GHR: variants seen among roughly 807,000 people sequenced by gnomAD.
The protein encoded by GHR is growth hormone receptor.
GHR carries 35 observed loss-of-function variants against 67.1 expected under a neutral mutation model. The ratio of observed to expected loss-of-function variants is 0.52; its 90% CI spans 0.40 to 0.69. The LOEUF (loss-of-function observed/expected upper bound fraction) is 0.69. GHR is among the 30% of genes least tolerant of loss of function. The pLI, the probability that GHR is intolerant of heterozygous loss-of-function variation, is 0.00. For synonymous variants in GHR, 272 were observed against 269.1 expected, an observed-to-expected ratio of 1.01 and a Z score of -0.10; for missense variants, 792 against 764.6, an observed-to-expected ratio of 1.04 and a Z score of -0.42.
chr5:42,696,670 G>C lies in GHR; in HGVS notation c.439+1581G>C, dbSNP rs4476730. Among the ~76,000 whole-genome samples, 204 of 152,260 alleles carry C rather than the reference G, an allele frequency of 1.3e-3. 6 individuals carry two copies. The South Asian group carries it at 0.038, about 28-fold the overall frequency. ...CTGGAGAAATCATCAGTAGTTGTTT[G>C]TGCCCCAAAAAGGAATTTGGACTTT... On this transcript the variant is annotated intron_variant, in intron 5 of 9. Transcript: ENST00000230882.
intron 3 of GHR, among the ~76,000 whole-genome samples, chr5:42,673,736 A>G (rs1345361943): frequency 1.3e-5 from 2 of 152,172 alleles, no homozygotes; most frequent in African/African-American, 4.8e-5. Flanking sequence ...AAACATGGAT[A>G]TAAAGGTGGC....
At position 42,443,958 on chromosome 5, in the gene GHR, G is replaced by GATAGATATAGATATAGAT. The variant is rs71608646; in HGVS notation, c.-12+20021_-12+20038dup. On this transcript the variant is annotated intron_variant, in intron 1 of 9. Transcript: ENST00000230882. ...CCAAGGTGATATAGATATAGATATA[G>GATAGATATAGATATAGAT]ATAGATATAGATATAGATATAGATA... Among the ~76,000 whole-genome samples, 591 of 148,178 alleles carry GATAGATATAGATATAGAT rather than the reference G, an allele frequency of 4.0e-3. 6 individuals are homozygous for GATAGATATAGATATAGAT. Among genetic ancestry groups the GATAGATATAGATATAGAT allele is most frequent in the African/African-American group, 8.2e-3 (327 of 39,676 alleles).
At chr5:42,709,610 C>G (rs1206341284) in intron 6 of GHR, among the ~76,000 whole-genome samples, 1 of 151,932 alleles carries the variant, frequency 6.6e-6, no homozygotes, top group Non-Finnish European at 1.5e-5. Context: ...TTGCACTGGA[C>G]TTTGGAAATG....
intron 2 of GHR, among the ~76,000 whole-genome samples, chr5:42,604,672 A>G (rs543464675): frequency 6.6e-5 from 10 of 150,984 alleles, no homozygotes; most frequent in East Asian, 1.9e-4. Context: ...TAAGGAAGTT[A>G]TGAGCCAGGA....
intron 2 of GHR, among the ~76,000 whole-genome samples, chr5:42,617,566 C>G (rs1753225664): frequency 6.6e-6 from 1 of 152,216 alleles, no homozygotes; most frequent in Admixed American, 6.5e-5. Flanking sequence ...CTGTTCCTCC[C>G]CATTTCCCCC....
intron 2 of GHR, among the ~76,000 whole-genome samples, chr5:42,602,960 A>G (rs896571380): frequency 1.3e-5 from 2 of 152,256 alleles, no homozygotes; most frequent in South Asian, 2.1e-4. Flanking sequence ...TTTTTTACCA[A>G]TGTGTTCCCT....
rs1252489276 is a variant in GHR at position 42,630,013 on chromosome 5, C to T, written c.136+910C>T. Among the ~76,000 whole-genome samples, 2 of 131,504 alleles carry T rather than the reference C, an allele frequency of 1.5e-5. 1 individual carries two copies. The allele number at this position is 131,504 out of a possible 152,430, so 86.3% of individuals were successfully genotyped here. On this transcript the variant is annotated intron_variant, in intron 3 of 9. Transcript: ENST00000230882. ...CCTCTTCAACCACAAGACAGAACCC[C>T]ACCATCAACTCTGTGGGGAAGCGTC...
chr5:42,496,167 T>C (rs1746313598), intron 1 of GHR, among the ~76,000 whole-genome samples: 1 of 152,158 alleles, frequency 6.6e-6, no homozygotes, highest in Non-Finnish European at 1.5e-5. Flanking sequence ...ACCTCTCTAG[T>C]TTGTGAAGAG....
At chr5:42,434,991 T>A (rs1018481536) in intron 1 of GHR, among the ~76,000 whole-genome samples, 5 of 152,138 alleles carry the variant, frequency 3.3e-5, no homozygotes, top group Non-Finnish European at 7.4e-5. Flanking sequence ...CTGAGCTTTA[T>A]CTGCAAAAAA....
chr5:42,569,287 T>A (rs1222159250), intron 2 of GHR, among the ~76,000 whole-genome samples: 1 of 152,224 alleles, frequency 6.6e-6, no homozygotes, highest in Non-Finnish European at 1.5e-5. Flanking sequence ...CATTTAACAT[T>A]CAACAAGCAT....
At chr5:42,709,580 G>C (rs184061734) in intron 6 of GHR, among the ~76,000 whole-genome samples, 25 of 152,216 alleles carry the variant, frequency 1.6e-4, no homozygotes, top group Admixed American at 1.6e-3. Context: ...ATATCTTGAG[G>C]ACCCACTGTA....
chr5:42,523,777 A>G (rs1747578873), intron 1 of GHR, among the ~76,000 whole-genome samples: 1 of 152,060 alleles, frequency 6.6e-6, no homozygotes, highest in Non-Finnish European at 1.5e-5. Context: ...CAGAATTTCC[A>G]TGTGTTATGG....
chr5:42,552,546 A>G (rs1749088978), intron 1 of GHR, among the ~76,000 whole-genome samples: 1 of 152,230 alleles, frequency 6.6e-6, no homozygotes, highest in East Asian at 1.9e-4. Context: ...AAAAATAAAT[A>G]AATTGTATCA....
chr5:42,525,504 C>T lies in GHR; in HGVS notation c.-11-40360C>T, dbSNP rs191932314. On this transcript the variant is annotated intron_variant, in intron 1 of 9. Transcript: ENST00000230882. The stretch of plus-strand genomic sequence containing the variant: ...CAGGCTTATAGGCAGAAAAGATTTG[C>T]CTTGTCTAAGGTAAGACTTTGGACT... Among the ~76,000 whole-genome samples the T allele has an allele frequency of 1.4e-4, 21 of 152,254 alleles. No homozygotes were observed. In the East Asian group the frequency reaches 3.1e-3, roughly 22 times the overall value.
At chr5:42,717,550 T>A (rs962254285) in intron 8 of GHR, among the ~76,000 whole-genome samples, 1 of 152,202 alleles carries the variant, frequency 6.6e-6, no homozygotes, top group African/African-American at 2.4e-5. Context: ...CTTAGATAAT[T>A]TCATAATTAA....
chr5:42,473,433 A>G (rs1362341069), intron 1 of GHR, among the ~76,000 whole-genome samples: 1 of 152,086 alleles, frequency 6.6e-6, no homozygotes, highest in Non-Finnish European at 1.5e-5. Context: ...TATGCTAGGT[A>G]TGTGTTGGAT....
At chr5:42,478,543 A>G (rs938168800) in intron 1 of GHR, among the ~76,000 whole-genome samples, 2 of 152,020 alleles carry the variant, frequency 1.3e-5, no homozygotes, top group East Asian at 1.9e-4. Context: ...ATTTGTTTGT[A>G]TCCTCTTTTA....
intron 1 of GHR, among the ~76,000 whole-genome samples, chr5:42,564,096 C>CACAAAGTGTGAGATTTATTTGAAATCTA (rs1749789005): frequency 6.6e-6 from 1 of 150,948 alleles, no homozygotes; most frequent in Non-Finnish European, 1.5e-5. Flanking sequence ...TTTGAAATCT[C>CACAAAGTGTGAGATTTATTTGAAATCTA]ACAAAGTGTG....
intron 6 of GHR, among the ~76,000 whole-genome samples, chr5:42,706,973 G>A (rs1389165914): frequency 6.6e-6 from 1 of 151,970 alleles, no homozygotes; most frequent in South Asian, 2.1e-4. Context: ...AGATTGGCTT[G>A]GGCAGTATGG....
Sources: allele counts gnomAD v4.1 joint callset (sites outside exome capture counted in the v4.1 genomes callset), GRCh38; gene constraint gnomAD v4.1.1; transcripts MANE v1.5; gene names NCBI Gene and HGNC (gene_info 2026-07-23, HGNC 2026-07-21).